The following CACHD1 variants were observed in gnomAD, a reference collection of about 807,000 sequenced individuals.
CACHD1 encodes cache domain containing 1.
Under a neutral mutation model 138.7 loss-of-function variants are expected in CACHD1, and 71 were observed. That is an observed-to-expected ratio of 0.51 (90% confidence interval 0.42 to 0.62). The LOEUF (loss-of-function observed/expected upper bound fraction) is 0.62. CACHD1 is among the 20% of genes least tolerant of loss of function. CACHD1 has a pLI of 0.00. For missense variants in CACHD1, 1,389 were observed against 1,625.3 expected, an observed-to-expected ratio of 0.85 and a Z score of 2.50; for synonymous variants, 578 against 591.5, an observed-to-expected ratio of 0.98 and a Z score of 0.33.
At chr1:64,502,685 C>G (rs1646347146) in intron 1 of CACHD1, among the ~76,000 whole-genome samples, 1 of 125,826 alleles carries the variant, frequency 7.9e-6, no homozygotes, top group Admixed American at 7.3e-5. Flanking sequence ...AAGGAAAATA[C>G]CAACTCTGTC....
intron 2 of CACHD1, among the ~76,000 whole-genome samples, chr1:64,577,142 C>T (rs935308968): frequency 1.4e-4 from 21 of 151,938 alleles, no homozygotes; most frequent in Admixed American, 7.2e-4. Context: ...GACAGTGTCC[C>T]GCTATGTTGC....
intron 1 of CACHD1, among the ~76,000 whole-genome samples, chr1:64,517,043 T>A (rs1646464242): frequency 6.6e-6 from 1 of 152,222 alleles, no homozygotes; most frequent in South Asian, 2.1e-4. Flanking sequence ...AGTACCTATT[T>A]CATGGGCTTG....
chr1:64,646,507 C>T (rs1648905768), intron 8 of CACHD1, among the ~76,000 whole-genome samples: 1 of 151,844 alleles, frequency 6.6e-6, no homozygotes, highest in Non-Finnish European at 1.5e-5. Context: ...GTGGGCAGAT[C>T]ACTTGAGGCC....
chr1:64,592,823 CACAG>C (rs1201446839), intron 3 of CACHD1, among the ~76,000 whole-genome samples: 3 of 152,090 alleles, frequency 2.0e-5, no homozygotes, highest in Non-Finnish European at 4.4e-5. Flanking sequence ...GTTAGATAAT[CACAG>C]ACAAAGTAAT....
At chr1:64,531,451 T>C (rs1280582980) in intron 1 of CACHD1, among the ~76,000 whole-genome samples, 2 of 152,168 alleles carry the variant, frequency 1.3e-5, no homozygotes, top group Non-Finnish European at 2.9e-5. Context: ...CTCTGCTTTC[T>C]GTACCTTTGC....
At chr1:64,538,501 A>G (rs1646652555) in intron 1 of CACHD1, among the ~76,000 whole-genome samples, 1 of 152,224 alleles carries the variant, frequency 6.6e-6, no homozygotes, top group Non-Finnish European at 1.5e-5. Flanking sequence ...ATGGTAGAGT[A>G]GAAATTTTAG....
Position 64,614,205 on chromosome 1 carries a change from T to G in CACHD1, c.517+11293T>G, listed in dbSNP as rs568610676. 6.6e-5 allele frequency among the ~76,000 whole-genome samples: 10 copies of G among 152,336 alleles called. No individual in the cohort carries two copies. In the East Asian group the frequency reaches 1.9e-3, roughly 29 times the overall value. On this transcript the variant is annotated intron_variant, in intron 4 of 26. Coordinates refer to ENST00000651257, the MANE Select transcript of CACHD1 (RefSeq NM_020925.4). Reference sequence around the variant, plus strand: ...GGCTGGGCATCTCCCTGTGCATTGCTCTTCTTTAGTCTAGACACCAGCTGG... The same window carrying G: ...GGCTGGGCATCTCCCTGTGCATTGCGCTTCTTTAGTCTAGACACCAGCTGG...
chr1:64,533,529 T>C (rs1646605725), intron 1 of CACHD1, among the ~76,000 whole-genome samples: 1 of 152,204 alleles, frequency 6.6e-6, no homozygotes, highest in Admixed American at 6.5e-5. Flanking sequence ...GGTATATTAA[T>C]AAGTGAAGAA....
intron 17 of CACHD1, among the ~76,000 whole-genome samples, chr1:64,672,738 T>C (rs938470712): frequency 3.3e-5 from 5 of 152,220 alleles, no homozygotes; most frequent in Non-Finnish European, 7.3e-5. Flanking sequence ...ATATTTATCA[T>C]TGAAAGAAGA....
intron 1 of CACHD1, among the ~76,000 whole-genome samples, chr1:64,487,714 G>C (rs17394814): frequency 0.076 from 11,582 of 152,176 alleles, 543 homozygotes; most frequent in Middle Eastern, 0.11. Flanking sequence ...GGAAATGCAT[G>C]GTGGTGTTAC....
At chr1:64,629,877 A>G (rs927177360) in intron 5 of CACHD1, among the ~76,000 whole-genome samples, 2 of 152,180 alleles carry the variant, frequency 1.3e-5, no homozygotes, top group Non-Finnish European at 2.9e-5. Context: ...TTCCCTTTCT[A>G]TGATGACATG....
intron 7 of CACHD1, among the ~76,000 whole-genome samples, chr1:64,640,071 A>G (rs1048020345): frequency 2.0e-5 from 3 of 152,188 alleles, no homozygotes; most frequent in African/African-American, 7.2e-5. Flanking sequence ...CAGAGTGAGA[A>G]AGCCCCCCTT....
At chr1:64,554,526 G>A (rs7545494) in intron 2 of CACHD1, among the ~76,000 whole-genome samples, 131,263 of 152,232 alleles carry the variant, frequency 0.86, 57,867 homozygotes, top group East Asian at 1. Context: ...ATCTGATATT[G>A]TCTGATTTTT....
At chr1:64,653,590 T>C (rs1047729344) in intron 10 of CACHD1, among the ~76,000 whole-genome samples, 168 bp from the exon 11 acceptor site, 1 of 152,196 alleles carries the variant, frequency 6.6e-6, no homozygotes, top group Non-Finnish European at 1.5e-5. Context: ...TCAAGAGTTT[T>C]ATGTAAGCAC....
At chr1:64,605,829 A>G (rs2100585557) in intron 4 of CACHD1, among the ~76,000 whole-genome samples, 1 of 152,226 alleles carries the variant, frequency 6.6e-6, no homozygotes, top group Non-Finnish European at 1.5e-5. Context: ...ATCTGGCTTC[A>G]TTGTTAGAAG....
chr1:64,679,173 G>A (rs897545596), intron 23 of CACHD1, among the ~76,000 whole-genome samples: 3 of 152,148 alleles, frequency 2.0e-5, no homozygotes, highest in Non-Finnish European at 4.4e-5. Context: ...CATAAGCTTC[G>A]AAACTTGATC....
intron 7 of CACHD1, among the ~76,000 whole-genome samples, chr1:64,634,645 G>A (rs1052971819): frequency 2.0e-5 from 3 of 152,018 alleles, no homozygotes; most frequent in Non-Finnish European, 2.9e-5. Context: ...TTTGCCTCCC[G>A]AAGTACTGGA....
At chr1:64,561,795 C>T (rs533491334) in intron 2 of CACHD1, among the ~76,000 whole-genome samples, 16 of 146,950 alleles carry the variant, frequency 1.1e-4, no homozygotes, top group African/African-American at 4.0e-4. Context: ...GAGGTTGAGG[C>T]TACAGTGAAC....
At chr1:64,674,061 C>CA in intron 19 of CACHD1, among the ~76,000 whole-genome samples, 1 of 135,118 alleles carries the variant, frequency 7.4e-6, no homozygotes, top group Admixed American at 8.1e-5. Flanking sequence ...AAAGAACATT[C>CA]AAAAAGCTAT....
Sources: gnomAD v4.1 joint callset for allele counts (sites outside exome capture counted in the v4.1 genomes callset) on GRCh38, gnomAD v4.1.1 for gene constraint, MANE v1.5 for transcripts, NCBI Gene and HGNC (gene_info 2026-07-23, HGNC 2026-07-21) for gene names.